The following LRRCC1 variants were observed in gnomAD, a reference collection of about 807,000 sequenced individuals.
LRRCC1 encodes leucine-rich repeat and coiled-coil domain-containing protein 1.
LRRCC1 carries 115 observed loss-of-function variants against 126.0 expected under a neutral mutation model. The observed-to-expected ratio is 0.91, with a 90% confidence interval of 0.78 to 1.07. The LOEUF is 1.07. Among genes scored for constraint, LRRCC1 ranks in the 50% least tolerant of loss-of-function variants. LRRCC1 has a pLI of 0.00. For missense variants in LRRCC1, 1,172 were observed against 1,175.7 expected, an observed-to-expected ratio of 1.00 and a Z score of 0.05; for synonymous variants, 400 against 393.4, an observed-to-expected ratio of 1.02 and a Z score of -0.20.
At chr8:85,114,348 A>G (rs1383991477) in intron 4 of LRRCC1, among the ~76,000 whole-genome samples, 1 of 151,906 alleles carries the variant, frequency 6.6e-6, no homozygotes, top group Admixed American at 6.6e-5. Context: ...TCCCTTCAGA[A>G]TTGAGAGGTA....
chr8:85,113,100 G>A lies in LRRCC1; in HGVS notation c.544+1G>A. On this transcript the variant is annotated splice_donor_variant, in intron 4 of 18. Coordinates refer to ENST00000360375, the MANE Select transcript of LRRCC1 (RefSeq NM_033402.5). LOFTEE classifies it high-confidence loss of function. ...GATAATCCTGTCTGTCGACTGCCAGGTATGAATAATTAATTTAATATTTTT... is the reference window on the plus strand; with the variant it reads ...GATAATCCTGTCTGTCGACTGCCAGATATGAATAATTAATTTAATATTTTT... 6.3e-7 allele frequency: 1 copy of A among 1,593,130 alleles called. No individual in the cohort carries two copies. Among genetic ancestry groups the A allele is most frequent in the South Asian group, 1.1e-5 (1 of 86,972 alleles).
intron 13 of LRRCC1, 124 bp downstream of exon 13, chr8:85,135,156 A>G: frequency 1.7e-6 from 1 of 577,752 alleles, no homozygotes; most frequent in Non-Finnish European, 2.8e-6. Flanking sequence ...ATTGCATATA[A>G]GAAAAATAGT....
At chr8:85,126,880 A>T in intron 9 of LRRCC1, 43 bp downstream of exon 9, 1 of 1,504,752 alleles carries the variant, frequency 6.6e-7, no homozygotes, top group Non-Finnish European at 9.0e-7. Flanking sequence ...CATAGCATAA[A>T]CAATACTGAC....
At chr8:85,109,482 T>C in intron 1 of LRRCC1, 113 bp from the exon 2 acceptor site, 1 of 610,944 alleles carries the variant, frequency 1.6e-6, no homozygotes, top group Admixed American at 3.4e-5. Context: ...AGGAAAGATT[T>C]CATTCTAGAA....
Position 85,115,411 on chromosome 8 carries a change from G to A in LRRCC1, c.757G>A (p.Asp253Asn), listed in dbSNP as rs377531869. The change falls in exon 6 of 19, where the codon GAT becomes AAT. Residue 253 changes from aspartate (D) to asparagine (N), a missense_variant. Physicochemically the swap from Asp to Asn is conservative, Grantham distance 23 (BLOSUM62 1). Transcript: ENST00000360375. ...DRMPVITAPI[D>N]ELVPLEQFAS... ...AATGCCAGTGATAACAGCACCTATC[G>A]ATGAGTTAGTTCCCTTGGAACAGTT... is the stretch of plus-strand genomic sequence containing the variant. 7.9e-5 allele frequency: 128 copies of A among 1,613,408 alleles called. No homozygotes were observed. Among genetic ancestry groups the A allele is most frequent in the Middle Eastern group, 1.6e-4 (1 of 6,074 alleles).
intron 6 of LRRCC1, among the ~76,000 whole-genome samples, chr8:85,120,478 C>G (rs1441787706): frequency 1.3e-5 from 2 of 152,170 alleles, no homozygotes; most frequent in Non-Finnish European, 2.9e-5. Context: ...GATGAAGTTA[C>G]TCTTTTATCA....
At position 85,123,476 on chromosome 8, in the gene LRRCC1, A is replaced by G. The variant is rs1056285499; in HGVS notation, c.994A>G (p.Thr332Ala). The change falls in exon 7 of 19, where the codon ACT becomes GCT. Residue 332 changes from threonine to alanine, a missense_variant. Coordinates refer to ENST00000360375, the MANE Select transcript of LRRCC1 (RefSeq NM_033402.5). The stretch of plus-strand genomic sequence containing the variant: ...CAGACCAAAAAGAGACACAGATATA[A>G]CTTCTGAAAGTGACTATGGAAACAG... ...DPRPKRDTDI[T>A]SESDYGNRKE... 2 of 1,610,594 alleles carry G rather than the reference A, an allele frequency of 1.2e-6. No homozygotes were observed. The highest frequency in any genetic ancestry group is 3.4e-5 in the Admixed American group (2 of 59,192).
In LRRCC1 at chr8:85,138,224, G is replaced by T. The variant is rs1811010550; in HGVS notation, c.2683G>T (p.Glu895Ter). The T allele has an allele frequency of 1.2e-6, 2 of 1,606,976 alleles. No individual in the cohort carries two copies. Among genetic ancestry groups the T allele is most frequent in the African/African-American group, 2.7e-5 (2 of 74,308 alleles). Residue 895 changes from glutamate (E) to a stop codon, truncating the protein, a stop_gained, in exon 16 of 19, where the codon GAA becomes TAA. Coordinates refer to ENST00000360375, the MANE Select transcript of LRRCC1 (RefSeq NM_033402.5). LOFTEE classifies it high-confidence loss of function. Reference sequence around the variant, plus strand: ...GAAAGGAAAGGAAGTAGAACTTGAAGAAATCAGAAAAGCTTACAGGTATTA... The same window carrying T: ...GAAAGGAAAGGAAGTAGAACTTGAATAAATCAGAAAAGCTTACAGGTATTA... ...QLKGKEVELE[E>*]IRKAYSTLNR... is the part of the protein sequence containing the mutation.
intron 15 of LRRCC1, 102 bp downstream of exon 15, chr8:85,137,729 T>G: frequency 1.1e-6 from 1 of 874,622 alleles, no homozygotes; most frequent in Non-Finnish European, 1.6e-6. Flanking sequence ...CCAACTGTTG[T>G]AAAATTTGGG....
intron 17 of LRRCC1, 139 bp from the exon 18 acceptor site, chr8:85,141,243 A>G (rs879050818): frequency 3.4e-6 from 2 of 596,258 alleles, no homozygotes; most frequent in South Asian, 5.4e-5. Context: ...TTACCCTATA[A>G]TAGCCTTTGA....
intron 10 of LRRCC1, among the ~76,000 whole-genome samples, chr8:85,129,700 T>C (rs1006319526): frequency 2.6e-5 from 4 of 152,190 alleles, no homozygotes; most frequent in South Asian, 2.1e-4. Context: ...ATGGAAATTA[T>C]CATTAAAATC....
In LRRCC1 at chr8:85,115,556, A is replaced by G; in HGVS notation, c.902A>G (p.Asp301Gly). ...LQNEIKLQKL[D>G]DQILQLLNET... ...AATGAGATAAAACTTCAGAAATTAG[A>G]TGACCAAATTCTACAACTTCTAAAT... is the stretch of plus-strand genomic sequence containing the variant. The change falls in exon 6 of 19, where the codon GAT (aspartate) becomes GGT (glycine). Residue 301 changes from aspartate (D) to glycine (G), a missense_variant. By Grantham distance (94) the Asp-to-Gly change is moderately conservative. Coordinates refer to ENST00000360375, the MANE Select transcript of LRRCC1 (RefSeq NM_033402.5). The G allele has an allele frequency of 3.1e-6, 5 of 1,609,804 alleles. No individual in the cohort carries two copies. In the South Asian group the frequency reaches 5.5e-5, roughly 18 times the overall value.
intron 3 of LRRCC1, among the ~76,000 whole-genome samples, chr8:85,111,241 G>A (rs963208520): frequency 2.6e-5 from 4 of 152,158 alleles, no homozygotes; most frequent in African/African-American, 9.7e-5. Flanking sequence ...GCCGGACATG[G>A]TGGCACATGC....
chr8:85,128,781 A>C (rs1810210177), intron 9 of LRRCC1, among the ~76,000 whole-genome samples: 1 of 152,112 alleles, frequency 6.6e-6, no homozygotes, highest in African/African-American at 2.4e-5. Flanking sequence ...AGTCACCAAA[A>C]CTATAGAAAT....
At position 85,138,367 on chromosome 8, in the gene LRRCC1, G is replaced by C. The variant is rs1438803690; in HGVS notation, c.2732G>C (p.Gly911Ala). 2 of 1,609,492 alleles carry C rather than the reference G, an allele frequency of 1.2e-6. No individual in the cohort carries two copies. Among genetic ancestry groups the C allele is most frequent in the African/African-American group, 2.7e-5 (2 of 74,620 alleles). ...STLNRKWHDKGELLCHLETQV... is the reference protein window; with the variant it reads ...STLNRKWHDKAELLCHLETQV... ...CTGAATCGGAAGTGGCATGATAAAG[G>C]AGAACTTCTATGTCATCTTGAAACA... Residue 911 changes from glycine to alanine, a missense_variant, in exon 17 of 19, where the codon GGA becomes GCA. By Grantham distance (60) the Gly-to-Ala change is moderately conservative. Coordinates refer to ENST00000360375, the MANE Select transcript of LRRCC1 (RefSeq NM_033402.5).
intron 9 of LRRCC1, among the ~76,000 whole-genome samples, chr8:85,128,444 A>G (rs1217815603): frequency 3.5e-5 from 1 of 28,498 alleles, no homozygotes. Context: ...CCACCACCAC[A>G]TGTTTGTTTG....
At chr8:85,127,322 TATTGC>T (rs1810092639) in intron 9 of LRRCC1, among the ~76,000 whole-genome samples, 2 of 152,352 alleles carry the variant, frequency 1.3e-5, no homozygotes, top group Admixed American at 1.3e-4. Context: ...TGTTTTGTTG[TATTGC>T]ATTCTTTAAT....
rs1563956977 is a variant in LRRCC1, at chr8:85,138,030, T to A, written c.2494-5T>A. ...AAAAACAAAGTGCCAATTTTTTTCTTAAAGTGTTTACAAGAAAAAGATGAA... is the reference window on the plus strand; with the variant it reads ...AAAAACAAAGTGCCAATTTTTTTCTAAAAGTGTTTACAAGAAAAAGATGAA... On this transcript the variant is annotated splice_region_variant and splice_polypyrimidine_tract_variant and intron_variant, in intron 15 of 18. Transcript: ENST00000360375. 6.7e-7 allele frequency: 1 copy of A among 1,499,866 alleles called. No homozygotes were observed. The highest frequency in any genetic ancestry group is 2.3e-5 in the East Asian group (1 of 43,268). 92.9% of individuals were successfully genotyped at this position (1,499,866 alleles called of 1,614,324 possible).
chr8:85,135,441 T>C (rs2135987750), intron 13 of LRRCC1, among the ~76,000 whole-genome samples: 1 of 152,274 alleles, frequency 6.6e-6, no homozygotes, highest in East Asian at 1.9e-4. Context: ...ATTGCTGTTG[T>C]CTCAATTTTA....
Sources: allele counts gnomAD v4.1 joint callset (sites outside exome capture counted in the v4.1 genomes callset), GRCh38; gene constraint gnomAD v4.1.1; transcripts MANE v1.5; gene names NCBI Gene and HGNC (gene_info 2026-07-23, HGNC 2026-07-21).